The following HIP1 variants were observed in gnomAD, a reference collection of about 807,000 sequenced individuals.
HIP1 encodes huntingtin interacting protein 1, also known as huntingtin-interacting protein 1.
A neutral mutation model predicts 147.6 loss-of-function variants in HIP1; 65 were observed. The ratio of observed to expected loss-of-function variants is 0.44; its 90% CI spans 0.36 to 0.54. The LOEUF is 0.54. Among genes scored for constraint, HIP1 ranks in the 20% least tolerant of loss-of-function variants. The pLI is 0.00. For synonymous variants in HIP1, 479 were observed against 504.0 expected, an observed-to-expected ratio of 0.95 and a Z score of 0.67; for missense variants, 1,061 against 1,299.6, an observed-to-expected ratio of 0.82 and a Z score of 2.82.
chr7:75,656,010 T>G (rs1799129172), intron 1 of HIP1, among the ~76,000 whole-genome samples: 1 of 151,830 alleles, frequency 6.6e-6, no homozygotes, highest in Non-Finnish European at 1.5e-5. Context: ...TCCCAACTAC[T>G]CGGGAAGCTG....
At chr7:75,598,738 T>C (rs1554502439) in intron 2 of HIP1, among the ~76,000 whole-genome samples, 2 of 151,742 alleles carry the variant, frequency 1.3e-5, no homozygotes, top group African/African-American at 4.8e-5. Context: ...TCTCTAAAAA[T>C]CATAAAATAA....
chr7:75,676,564 G>A (rs1249633063), intron 1 of HIP1, among the ~76,000 whole-genome samples: 3 of 151,822 alleles, frequency 2.0e-5, no homozygotes, highest in East Asian at 1.9e-4. Context: ...ATCACCTAAT[G>A]TCAGGAGTTC....
chr7:75,677,010 C>T (rs1799915735), intron 1 of HIP1, among the ~76,000 whole-genome samples: 1 of 151,666 alleles, frequency 6.6e-6, no homozygotes. Context: ...TCCTGGCCAA[C>T]ATGGTGAAAC....
Position 75,539,318 on chromosome 7 carries a change from C to T in HIP1, c.3061+5G>A, listed in dbSNP as rs1387445889. ...GGTTAGTGCCCATCCTTGGAGTCAG[C>T]TTACCTTCTTCCCAGCCCTCAGCAA... On this transcript the variant is annotated splice_donor_5th_base_variant and intron_variant, in intron 30 of 30. Transcript: ENST00000336926. 63 of 1,611,350 alleles carry T rather than the reference C, an allele frequency of 3.9e-5. No individual in the cohort carries two copies. Among genetic ancestry groups the T allele is most frequent in the African/African-American group, 5.3e-5 (4 of 74,880 alleles).
At chr7:75,609,044 C>T (rs1457165946) in intron 1 of HIP1, among the ~76,000 whole-genome samples, 1 of 152,208 alleles carries the variant, frequency 6.6e-6, no homozygotes, top group Non-Finnish European at 1.5e-5. Context: ...GAATCCAGTG[C>T]AACTGACAAG....
chr7:75,563,356 C>A, intron 9 of HIP1, 93 bp from the exon 10 acceptor site: 1 of 1,056,344 alleles, frequency 9.5e-7, no homozygotes, highest in Non-Finnish European at 1.5e-6. Context: ...GCCCCCTCCC[C>A]AGCCCAAAGG....
rs1554493257 is a variant in HIP1 at position 75,556,140 on chromosome 7, G to A, written c.1713C>T (p.Ala571=). ...GGCTGTCCCGCTCCTTCTCTAGCTC[G>A]GCGAACTCGGCTGCCCAGTTTGCTT... ...QSEANWAAEF[A]ELEKERDSLV... Residue 571 remains alanine, a synonymous_variant, in exon 18 of 31, where the codon GCC becomes GCT. Transcript: ENST00000336926. 9 of 1,614,124 alleles carry A rather than the reference G, an allele frequency of 5.6e-6. No individual in the cohort carries two copies. Among genetic ancestry groups the A allele is most frequent in the Admixed American group, 1.7e-5 (1 of 60,000 alleles).
intron 4 of HIP1, 139 bp downstream of exon 4, chr7:75,591,917 A>C (rs1471681534): frequency 2.6e-6 from 2 of 764,176 alleles, no homozygotes; most frequent in Non-Finnish European, 4.7e-6. Context: ...GGGCATCCTT[A>C]GTCCGTCTCT....
intron 5 of HIP1, 65 bp from the exon 6 acceptor site, chr7:75,582,216 G>C: frequency 3.1e-6 from 4 of 1,307,834 alleles, no homozygotes; most frequent in Non-Finnish European, 4.4e-6. Flanking sequence ...TCAGCCGGGC[G>C]TGGTGGCACA....
At chr7:75,548,115 G>A (rs1324137096) in intron 23 of HIP1, among the ~76,000 whole-genome samples, 1 of 151,864 alleles carries the variant, frequency 6.6e-6, no homozygotes, top group African/African-American at 2.4e-5. Flanking sequence ...TGCAACCTCC[G>A]CCTCCTGGGT....
chr7:75,608,434 G>A (rs1258827630), intron 1 of HIP1, among the ~76,000 whole-genome samples: 3 of 152,188 alleles, frequency 2.0e-5, no homozygotes, highest in Admixed American at 6.6e-5. Flanking sequence ...GGGAACGTAT[G>A]GTTCCAGTTC....
intron 1 of HIP1, among the ~76,000 whole-genome samples, chr7:75,607,228 G>GTTTTTTTT (rs202211589): frequency 7.2e-6 from 1 of 139,396 alleles, no homozygotes; most frequent in African/African-American, 2.9e-5. Flanking sequence ...GTTGTTTTTT[G>GTTTTTTTT]TTTTGTTTTT....
chr7:75,651,147 A>T (rs1798966775), intron 1 of HIP1, among the ~76,000 whole-genome samples: 1 of 151,776 alleles, frequency 6.6e-6, no homozygotes, highest in African/African-American at 2.4e-5. Context: ...GTCCGCATGA[A>T]AACGGGGGAG....
Position 75,647,540 on chromosome 7 carries a change from C to T in HIP1, c.121-48293G>A, listed in dbSNP as rs1179599. 8.2e-3 allele frequency among the ~76,000 whole-genome samples: 1,246 copies of T among 152,306 alleles called. 19 individuals carry two copies. The highest frequency in any genetic ancestry group is 0.028 in the African/African-American group (1,180 of 41,564). ...GGGACTTTCGCTGCTGCTAAGCCAT[C>T]TCAGAAGTGTGCTTCCCTTCAGAGG... On this transcript the variant is annotated intron_variant, in intron 1 of 30. Transcript: ENST00000336926.
intron 1 of HIP1, among the ~76,000 whole-genome samples, chr7:75,651,941 G>A (rs531094089): frequency 5.3e-5 from 8 of 151,842 alleles, no homozygotes; most frequent in Non-Finnish European, 7.4e-5. Context: ...CCCGTGAGGC[G>A]GAGGTTGCAG....
intron 22 of HIP1, among the ~76,000 whole-genome samples, chr7:75,549,372 C>CTT (rs60654435): frequency 7.4e-5 from 9 of 121,196 alleles, no homozygotes; most frequent in African/African-American, 1.8e-4. Context: ...CTTTTCTTTT[C>CTT]TTTTTTTTTT....
At position 75,686,141 on chromosome 7, in the gene HIP1, C is replaced by T. The variant is rs576370314; in HGVS notation, c.120+52660G>A. Among the ~76,000 whole-genome samples, 27 of 152,238 alleles carry T rather than the reference C, an allele frequency of 1.8e-4. No homozygotes were observed. In the South Asian group the frequency reaches 3.1e-3, roughly 18 times the overall value. On this transcript the variant is annotated intron_variant, in intron 1 of 30. Transcript: ENST00000336926. ...CTGGCCTCAAGTAATCCACCTGCCT[C>T]GGCCTCCCAAAGTACCGGGATTACA...
At chr7:75,589,205 T>C (rs1316611696) in intron 4 of HIP1, among the ~76,000 whole-genome samples, 2 of 148,582 alleles carry the variant, frequency 1.3e-5, no homozygotes, top group African/African-American at 4.9e-5. Context: ...CTGTACTAAA[T>C]GAAATTGAAA....
At chr7:75,696,279 T>A (rs1012443184) in intron 1 of HIP1, among the ~76,000 whole-genome samples, 1 of 152,150 alleles carries the variant, frequency 6.6e-6, no homozygotes. Context: ...TGAGCCACCA[T>A]GCCTGGCCTA....
Sources: allele counts gnomAD v4.1 joint callset (sites outside exome capture counted in the v4.1 genomes callset), GRCh38; gene constraint gnomAD v4.1.1; transcripts MANE v1.5; gene names NCBI Gene and HGNC (gene_info 2026-07-23, HGNC 2026-07-21).